MSRB2: variants seen among roughly 807,000 people sequenced by gnomAD.
MSRB2 encodes methionine sulfoxide reductase B2, also known as methionine-R-sulfoxide reductase B2, mitochondrial.
In MSRB2, 17 loss-of-function variants were observed where a neutral mutation model predicts 19.0. The ratio of observed to expected loss-of-function variants is 0.89; its 90% confidence interval spans 0.61 to 1.34. MSRB2 has a LOEUF of 1.34. Among genes scored for constraint, MSRB2 ranks in the 40% most tolerant of loss-of-function variants. MSRB2 has a pLI of 0.00. For missense variants in MSRB2, 208 were observed against 237.6 expected, an observed-to-expected ratio of 0.88 and a Z score of 0.82; for synonymous variants, 107 against 99.7, an observed-to-expected ratio of 1.07 and a Z score of -0.44.
Position 23,095,632 on chromosome 10 carries a change from C to G in MSRB2, c.24C>G (p.Leu8=), listed in dbSNP as rs1839850630. 6.8e-7 allele frequency: 1 copy of G among 1,470,286 alleles called. No homozygotes were observed. Among genetic ancestry groups the G allele is most frequent in the Non-Finnish European group, 9.0e-7 (1 of 1,117,180 alleles). 91.1% of individuals were successfully genotyped at this position (1,470,286 alleles called of 1,614,324 possible). ...TCATGGCGCGGCTCCTCTGGTTGCT[C>G]CGGGGCCTGACCCTCGGAACTGCGC... is the stretch of plus-strand genomic sequence containing the variant. MARLLWL[L]RGLTLGTAPR... Residue 8 remains leucine, a synonymous_variant, in exon 1 of 5, where the codon CTC becomes CTG. Coordinates refer to ENST00000376510, the MANE Select transcript of MSRB2 (RefSeq NM_012228.4).
At position 23,095,718 on chromosome 10, in the gene MSRB2, G is replaced by C. The variant is rs907669280; in HGVS notation, c.110G>C (p.Gly37Ala). The part of the protein sequence containing the change: ...GGGPGTGPGL[G>A]EAGSLATCEL... ...GGGCCCGGCACCGGGCCGGGACTGG[G>C]GGAGGCAGGTAGGACGCGGGTCCCG... Residue 37 changes from glycine to alanine, a missense_variant, in exon 1 of 5, where the codon GGG (glycine) becomes GCG (alanine). Gly to Ala is a moderately conservative substitution (Grantham distance 60). Coordinates refer to ENST00000376510, the MANE Select transcript of MSRB2 (RefSeq NM_012228.4). 4 of 1,268,060 alleles carry C rather than the reference G, an allele frequency of 3.2e-6. No homozygotes were observed. The African/African-American group carries it at 6.2e-5, about 20-fold the overall frequency. The allele number at this position is 1,268,060 out of a possible 1,614,324, so 78.6% of individuals were successfully genotyped here.
intron 3 of MSRB2, among the ~76,000 whole-genome samples, chr10:23,112,965 A>G (rs1355633880): frequency 6.6e-6 from 1 of 152,218 alleles, no homozygotes; most frequent in Non-Finnish European, 1.5e-5. Flanking sequence ...ATTCTGGAGG[A>G]TATATTCTAA....
At chr10:23,098,715 A>G (rs1390114609) in intron 1 of MSRB2, among the ~76,000 whole-genome samples, 1 of 152,216 alleles carries the variant, frequency 6.6e-6, no homozygotes, top group Admixed American at 6.5e-5. Context: ...CTTGTCGTGT[A>G]TCTAATTTAC....
At chr10:23,119,706 TG>T (rs1163291030) in intron 4 of MSRB2, among the ~76,000 whole-genome samples, 4 of 152,158 alleles carry the variant, frequency 2.6e-5, no homozygotes, top group African/African-American at 9.7e-5. Context: ...TGAGTTCAAG[TG>T]CCTCAGCCTC....
chr10:23,111,733 A>C (rs1459348891), intron 3 of MSRB2, among the ~76,000 whole-genome samples: 3 of 152,196 alleles, frequency 2.0e-5, no homozygotes, highest in Admixed American at 6.5e-5. Context: ...TCATCACATA[A>C]GCTTGTTAAG....
chr10:23,106,788 C>T (rs978363004), intron 2 of MSRB2, among the ~76,000 whole-genome samples: 3 of 152,216 alleles, frequency 2.0e-5, no homozygotes, highest in African/African-American at 7.2e-5. Context: ...GTCATTAGCC[C>T]AGGGATGCGT....
chr10:23,103,484 C>T (rs1047575838), intron 1 of MSRB2, among the ~76,000 whole-genome samples: 2 of 152,172 alleles, frequency 1.3e-5, no homozygotes, highest in African/African-American at 4.8e-5. Flanking sequence ...ACTTGGTTTA[C>T]ACTCACGTGA....
At chr10:23,100,790 A>G (rs1839918993) in intron 1 of MSRB2, among the ~76,000 whole-genome samples, 1 of 152,204 alleles carries the variant, frequency 6.6e-6, no homozygotes, top group South Asian at 2.1e-4. Context: ...GGGTAGGGAC[A>G]CAGAGCCAAA....
chr10:23,098,009 A>C (rs1333135740), intron 1 of MSRB2, among the ~76,000 whole-genome samples: 1 of 152,178 alleles, frequency 6.6e-6, no homozygotes. Flanking sequence ...GACAAAGAGC[A>C]AACTGAAAAA....
rs560682967 is a variant in MSRB2 at position 23,101,691 on chromosome 10, C to T, written c.119-2453C>T. Among the ~76,000 whole-genome samples the T allele has an allele frequency of 1.1e-3, 161 of 152,282 alleles. 1 individual carries two copies. The highest frequency in any genetic ancestry group is 3.7e-3 in the African/African-American group (154 of 41,544). The stretch of plus-strand genomic sequence containing the variant: ...AGAGCTGACTGGGGAAAGATGGTTC[C>T]ATGGTTCACTGAAACCCCAGTGAGA... On this transcript the variant is annotated intron_variant, in intron 1 of 4. Coordinates refer to ENST00000376510, the MANE Select transcript of MSRB2 (RefSeq NM_012228.4).
Position 23,119,426 on chromosome 10 carries a change from C to G in MSRB2, c.419C>G (p.Ala140Gly). ...CGTCTGGATACCTCGTTAGGATCAG[C>G]TCGCACAGAGGTTGTCTGCAAGCAG... ...LRRLDTSLGS[A>G]RTEVVCKQCE... The change falls in exon 4 of 5, where the codon GCT (alanine) becomes GGT (glycine). Residue 140 changes from alanine to glycine, a missense_variant. Physicochemically the swap from Ala to Gly is moderately conservative, Grantham distance 60. Transcript: ENST00000376510. 1 of 1,614,032 alleles carries G rather than the reference C, an allele frequency of 6.2e-7. No homozygotes were observed. Among genetic ancestry groups the G allele is most frequent in the Non-Finnish European group, 8.5e-7 (1 of 1,179,948 alleles).
chr10:23,114,935 T>A (rs1257301676), intron 3 of MSRB2, among the ~76,000 whole-genome samples: 1 of 152,184 alleles, frequency 6.6e-6, no homozygotes, highest in African/African-American at 2.4e-5. Flanking sequence ...GCTTTCCTTA[T>A]TACAGGTGTA....
intron 1 of MSRB2, among the ~76,000 whole-genome samples, chr10:23,099,349 A>G (rs1363540553): frequency 6.6e-6 from 1 of 152,196 alleles, no homozygotes; most frequent in South Asian, 2.1e-4. Context: ...CTGCAGCTAA[A>G]TGTTGCATAA....
intron 1 of MSRB2, among the ~76,000 whole-genome samples, chr10:23,096,193 G>A (rs759705173): frequency 6.6e-6 from 1 of 152,094 alleles, no homozygotes; most frequent in Non-Finnish European, 1.5e-5. Flanking sequence ...CAGACTTGGG[G>A]TTCCTGTGAG....
chr10:23,099,853 A>G (rs1362950297), intron 1 of MSRB2, among the ~76,000 whole-genome samples: 1 of 152,370 alleles, frequency 6.6e-6, no homozygotes, highest in African/African-American at 2.4e-5. Context: ...CTCAAGCCTT[A>G]GGTTCAAAGC....
intron 3 of MSRB2, among the ~76,000 whole-genome samples, chr10:23,115,733 T>C (rs553823066): frequency 2.6e-5 from 4 of 152,350 alleles, no homozygotes; most frequent in South Asian, 2.1e-4. Flanking sequence ...TCTTAACTTA[T>C]ATATGTTAGG....
chr10:23,116,761 G>A (rs1382857203), intron 3 of MSRB2, among the ~76,000 whole-genome samples: 2 of 152,216 alleles, frequency 1.3e-5, no homozygotes, highest in Non-Finnish European at 2.9e-5. Context: ...CTCAAGGCCA[G>A]TGATTGTTTA....
intron 3 of MSRB2, chr10:23,118,951 G>A (rs978076270): frequency 3.4e-5 from 15 of 441,856 alleles, no homozygotes; most frequent in South Asian, 6.6e-5. Flanking sequence ...TTAGTATTTC[G>A]TTTTGATTTC....
At chr10:23,112,125 G>GTT (rs1189493224) in intron 3 of MSRB2, among the ~76,000 whole-genome samples, 1 of 152,192 alleles carries the variant, frequency 6.6e-6, no homozygotes, top group East Asian at 1.9e-4. Flanking sequence ...CAAGTGGCCA[G>GTT]TTTATGAGAC....
Sources: gnomAD v4.1 joint callset for allele counts (sites outside exome capture counted in the v4.1 genomes callset) on GRCh38, gnomAD v4.1.1 for gene constraint, MANE v1.5 for transcripts, NCBI Gene and HGNC (gene_info 2026-07-23, HGNC 2026-07-21) for gene names.